The following LRRC47 variants were observed in gnomAD, a reference collection of about 807,000 sequenced individuals.
The protein encoded by LRRC47 is leucine rich repeat containing 47.
A neutral mutation model predicts 40.9 loss-of-function variants in LRRC47; 31 were observed. The ratio of observed to expected loss-of-function variants is 0.76; its 90% CI spans 0.57 to 1.02. The LOEUF is 1.02. Among genes scored for constraint, LRRC47 ranks in the 50% least tolerant of loss-of-function variants. LRRC47 has a pLI of 0.00. For missense variants in LRRC47, 726 were observed against 796.1 expected (o/e 0.91, Z 1.06); for synonymous variants, 427 against 371.9 (o/e 1.15, Z -1.70).
chr1:3,785,342 C>T (rs1392705044), intron 2 of LRRC47, 139 bp from the exon 3 acceptor site: 1 of 459,506 alleles, frequency 2.2e-6, no homozygotes, highest in Non-Finnish European at 3.7e-6. Flanking sequence ...ACGCCCCTTT[C>T]CGAGACAGGG....
rs1376228043 is a variant in LRRC47, at chr1:3,787,070, C to T, written c.856G>A (p.Glu286Lys). 1.2e-6 allele frequency: 2 copies of T among 1,613,950 alleles called. No homozygotes were observed. Among genetic ancestry groups the T allele is most frequent in the Non-Finnish European group, 1.7e-6 (2 of 1,179,944 alleles). The stretch of plus-strand genomic sequence containing the variant: ...CCACCTTCCCGCCTCTGCTTCCTCT[C>T]CCTCCTCTTCCTCCGGCTCTCTTCC... ...EKEESRRKRR[E>K]RKQRREGGDG... Residue 286 changes from glutamate (E) to lysine (K), a missense_variant, in exon 2 of 7, where the codon GAG becomes AAG. By Grantham distance (56) the Glu-to-Lys change is moderately conservative. Transcript: ENST00000378251.
At position 3,786,911 on chromosome 1, in the gene LRRC47, C is replaced by A. The variant is rs1161420765; in HGVS notation, c.1015G>T (p.Ala339Ser). Residue 339 changes from alanine to serine, a missense_variant, in exon 2 of 7, where the codon GCC becomes TCC. Physicochemically the swap from Ala to Ser is moderately conservative, Grantham distance 99. Transcript: ENST00000378251. ...TGCAGGTCCATGCCTCGCACCACGGCCCCCACAATGTAGGGCCGCACATCC... is the reference window on the plus strand; with the variant it reads ...TGCAGGTCCATGCCTCGCACCACGGACCCCACAATGTAGGGCCGCACATCC... ...VRDVRPYIVG[A>S]VVRGMDLQPG... 1.3e-5 allele frequency: 21 copies of A among 1,606,280 alleles called. No homozygotes were observed. The highest frequency in any genetic ancestry group is 1.5e-5 in the Non-Finnish European group (18 of 1,176,850).
At chr1:3,791,788 C>G (rs1038184136) in intron 1 of LRRC47, among the ~76,000 whole-genome samples, 1 of 151,728 alleles carries the variant, frequency 6.6e-6, no homozygotes, top group African/African-American at 2.4e-5. Context: ...GGGTCTAGCT[C>G]TGTTGCCCAG....
Position 3,783,900 on chromosome 1 carries a change from A to G in LRRC47, c.1310+96T>C, listed in dbSNP as rs527538399. The G allele has an allele frequency of 1.6e-5, 15 of 965,602 alleles. No individual in the cohort carries two copies. In the African/African-American group the frequency reaches 2.4e-4, roughly 16 times the overall value. The allele number at this position is 965,602 out of a possible 1,614,324, so 59.8% of individuals were successfully genotyped here. On this transcript the variant is annotated intron_variant, in intron 4 of 6. Coordinates refer to ENST00000378251, the MANE Select transcript of LRRC47 (RefSeq NM_020710.3). The stretch of plus-strand genomic sequence containing the variant: ...TAAGAAGCTTCTGGGTTCTGGTAGC[A>G]TTAGGCGGTTCCTGAGGAGCACAGA...
rs112581726 is a variant in LRRC47 at position 3,784,323 on chromosome 1, A to G, written c.1195-212T>C. ...CCGGGGAGACCTGACGCCCAAACAC[A>G]CCGATCCTACTGAGGCAGGGCTTAA... On this transcript the variant is annotated intron_variant, in intron 3 of 6. Transcript: ENST00000378251. 208 of 556,620 alleles carry G rather than the reference A, an allele frequency of 3.7e-4. 1 individual carries two copies. The highest frequency in any genetic ancestry group is 3.6e-3 in the African/African-American group (190 of 53,104). The allele number at this position is 556,620 out of a possible 1,614,324, so 34.5% of individuals were successfully genotyped here. A position where few individuals can be genotyped will look rare whatever the true frequency, so the allele number is the denominator to read the frequency against.
chr1:3,786,855 G>A lies in LRRC47; in HGVS notation c.1071C>T (p.Thr357=), dbSNP rs1048108608. The change falls in exon 2 of 7, where the codon ACC becomes ACT. Residue 357 remains threonine (T), a synonymous_variant. Coordinates refer to ENST00000378251, the MANE Select transcript of LRRC47 (RefSeq NM_020710.3). The part of the protein sequence containing the change: ...QPGNALKRFL[T]SQTKLHEDLC... ...GACCCCCACGGGCACCCACCTGCGA[G>A]GTGAGGAAGCGCTTGAGTGCATTCC... 3.1e-6 allele frequency: 5 copies of A among 1,589,770 alleles called. No individual in the cohort carries two copies. The highest frequency in any genetic ancestry group is 2.7e-5 in the African/African-American group (2 of 74,218).
intron 1 of LRRC47, among the ~76,000 whole-genome samples, chr1:3,793,461 T>G (rs1372235406): frequency 6.6e-5 from 10 of 152,204 alleles, no homozygotes; most frequent in Admixed American, 6.5e-4. Context: ...GTAATTTAAA[T>G]GATAATACTC....
chr1:3,786,882 T>C lies in LRRC47; in HGVS notation c.1044A>G (p.Pro348=), dbSNP rs761411002. ...GAVVRGMDLQ[P]GNALKRFLTS... The stretch of plus-strand genomic sequence containing the variant: ...TGAGGAAGCGCTTGAGTGCATTCCC[T>C]GGCTGCAGGTCCATGCCTCGCACCA... The change falls in exon 2 of 7, where the codon CCA becomes CCG. Residue 348 remains proline (P), a synonymous_variant. Transcript: ENST00000378251. 29 of 1,602,846 alleles carry C rather than the reference T, an allele frequency of 1.8e-5. No individual in the cohort carries two copies. The highest frequency in any genetic ancestry group is 1.2e-4 in the Admixed American group (7 of 59,124).
Position 3,781,097 on chromosome 1 carries a change from G to C in LRRC47, c.1743C>G (p.Val581=). 2 of 1,613,778 alleles carry C rather than the reference G, an allele frequency of 1.2e-6. No individual in the cohort carries two copies. The highest frequency in any genetic ancestry group is 1.7e-6 in the Non-Finnish European group (2 of 1,179,992). The change falls in exon 7 of 7, where the codon GTC becomes GTG. Residue 581 remains valine (V), a synonymous_variant. Coordinates refer to ENST00000378251, the MANE Select transcript of LRRC47 (RefSeq NM_020710.3). ...ACAGGCGGCCCTGGCGTCAGCGCAC[G>C]ACAGTCACGTGGGGAGGGGCAGTGG... ...DLATAPPHVT[V]VR
chr1:3,781,051 A>G lies in LRRC47; in HGVS notation c.*37T>C, dbSNP rs1298468228. On this transcript the variant is annotated 3_prime_UTR_variant, in exon 7 of 7. Transcript: ENST00000378251. ...GCATTGCCGCATAGAAACCTCCGCA[A>G]AACCGGCCAAACAAACGCGGACAGG... 1.1e-5 allele frequency: 18 copies of G among 1,597,808 alleles called. No homozygotes were observed. The highest frequency in any genetic ancestry group is 1.5e-5 in the Non-Finnish European group (18 of 1,169,256).
chr1:3,783,878 GA>G lies in LRRC47; in HGVS notation c.1310+117del, dbSNP rs938455559. On this transcript the variant is annotated intron_variant, in intron 4 of 6. Coordinates refer to ENST00000378251, the MANE Select transcript of LRRC47 (RefSeq NM_020710.3). ...GAATGCTTTCTTTGTACCCTGTTAA[GA>G]AGCTTCTGGGTTCTGGTAGCATTAG... The G allele has an allele frequency of 9.2e-6, 7 of 761,110 alleles. No individual in the cohort carries two copies. In the African/African-American group the frequency reaches 1.2e-4, roughly 13 times the overall value. 47.1% of individuals were successfully genotyped at this position (761,110 alleles called of 1,614,324 possible).
intron 1 of LRRC47, among the ~76,000 whole-genome samples, chr1:3,790,185 G>A (rs1025716324): frequency 3.7e-4 from 57 of 152,326 alleles, no homozygotes; most frequent in Non-Finnish European, 7.5e-4. Flanking sequence ...ACCTGCTGCC[G>A]GGGAAGGATC....
chr1:3,795,801 G>T (rs1643667769), intron 1 of LRRC47, 61 bp downstream of exon 1: 2 of 1,452,612 alleles, frequency 1.4e-6, no homozygotes, highest in South Asian at 2.8e-5. Flanking sequence ...CCCGAGAGGG[G>T]TTCCTTCTCC....
Position 3,780,925 on chromosome 1 carries a change from G to C in LRRC47, c.*163C>G. 1 of 1,055,862 alleles carries C rather than the reference G, an allele frequency of 9.5e-7. No homozygotes were observed. Among genetic ancestry groups the C allele is most frequent in the Non-Finnish European group, 1.3e-6 (1 of 744,238 alleles). 65.4% of individuals were successfully genotyped at this position (1,055,862 alleles called of 1,614,324 possible). On this transcript the variant is annotated 3_prime_UTR_variant, in exon 7 of 7. Transcript: ENST00000378251. ...CAGGAGACACAGGCTGCAGTGACTC[G>C]AGATCACGCCACTGCACTCCAGCCT... is the stretch of plus-strand genomic sequence containing the variant.
At chr1:3,783,378 C>T (rs1190174677) in intron 4 of LRRC47, among the ~76,000 whole-genome samples, 1 of 143,490 alleles carries the variant, frequency 7.0e-6, no homozygotes, top group African/African-American at 2.7e-5. Flanking sequence ...CAAGATCGTG[C>T]CATTGCACTC....
At chr1:3,789,621 A>G (rs897765308) in intron 1 of LRRC47, among the ~76,000 whole-genome samples, 2 of 152,196 alleles carry the variant, frequency 1.3e-5, no homozygotes, top group Non-Finnish European at 2.9e-5. Flanking sequence ...CCAGGCAAAG[A>G]CTGTCAGAGA....
intron 1 of LRRC47, among the ~76,000 whole-genome samples, chr1:3,792,499 C>T (rs1643635968): frequency 7.1e-6 from 1 of 140,142 alleles, no homozygotes; most frequent in Admixed American, 7.3e-5. Context: ...CTCACTTTCT[C>T]ACCCAGGCTG....
At chr1:3,791,617 C>T (rs546484740) in intron 1 of LRRC47, among the ~76,000 whole-genome samples, 3 of 152,182 alleles carry the variant, frequency 2.0e-5, no homozygotes, top group East Asian at 1.9e-4. Flanking sequence ...CCACCACGCC[C>T]GGCTAATTTT....
intron 3 of LRRC47, 57 bp from the exon 4 acceptor site, chr1:3,784,168 CG>C (rs1643548521): frequency 6.8e-7 from 1 of 1,464,184 alleles, no homozygotes; most frequent in East Asian, 2.5e-5. Flanking sequence ...ACTCGCCCAT[CG>C]TGTCGATTAC....
Sources: gnomAD v4.1 joint callset for allele counts (sites outside exome capture counted in the v4.1 genomes callset) on GRCh38, gnomAD v4.1.1 for gene constraint, MANE v1.5 for transcripts, NCBI Gene and HGNC (gene_info 2026-07-23, HGNC 2026-07-21) for gene names.